TSPEAR: variants seen among roughly 807,000 people sequenced by gnomAD.
TSPEAR encodes the protein thrombospondin type laminin G domain and EAR repeats, also known as thrombospondin-type laminin G domain and EAR repeat-containing protein.
In TSPEAR, 69 loss-of-function variants were observed where a neutral mutation model predicts 71.6. That is an observed-to-expected ratio of 0.96 (90% confidence interval 0.79 to 1.18). TSPEAR has a LOEUF of 1.18. Among genes scored for constraint, TSPEAR ranks in the 50% most tolerant of loss-of-function variants. TSPEAR has a pLI of 0.00. For missense variants in TSPEAR, 971 were observed against 894.9 expected (o/e 1.09, Z -1.09); for synonymous variants, 402 against 387.2 (o/e 1.04, Z -0.45).
chr21:44,539,897 C>T (rs1555916981), intron 2 of TSPEAR: 2 of 1,614,038 alleles, frequency 1.2e-6, no homozygotes, highest in South Asian at 2.2e-5. Context: ...AGCCGGCTGG[C>T]AGCTAGACTG....
intron 1 of TSPEAR, among the ~76,000 whole-genome samples, chr21:44,686,184 C>A (rs1233407024): frequency 1.3e-5 from 2 of 152,152 alleles, no homozygotes; most frequent in East Asian, 3.8e-4. Context: ...TTCACCAGCT[C>A]CCCTCGGCTC....
At chr21:44,608,411 C>A (rs1352449462) in intron 1 of TSPEAR, among the ~76,000 whole-genome samples, 1 of 152,212 alleles carries the variant, frequency 6.6e-6, no homozygotes, top group African/African-American at 2.4e-5. Flanking sequence ...GGAGCATTCA[C>A]ACGTGGACGT....
chr21:44,530,254 A>G (rs2052940092), intron 4 of TSPEAR, among the ~76,000 whole-genome samples: 1 of 152,160 alleles, frequency 6.6e-6, no homozygotes, highest in Non-Finnish European at 1.5e-5. Context: ...CTGTTCATCC[A>G]TGCATTCATC....
chr21:44,573,739 C>T (rs782550283), intron 1 of TSPEAR: 8 of 1,607,430 alleles, frequency 5.0e-6, no homozygotes, highest in South Asian at 1.1e-5. Flanking sequence ...AGCTCAACCC[C>T]CAGCACAGCA....
chr21:44,688,486 C>T (rs1986960852), intron 1 of TSPEAR, among the ~76,000 whole-genome samples: 1 of 152,024 alleles, frequency 6.6e-6, no homozygotes, highest in African/African-American at 2.4e-5. Flanking sequence ...TTTGGGAGGC[C>T]GAGGAGGGCA....
In TSPEAR at chr21:44,666,774, A is replaced by G. The variant is rs1449038515; in HGVS notation, c.82+44659T>C. On this transcript the variant is annotated intron_variant, in intron 1 of 11. Transcript: ENST00000323084. ...CACACACACGGAGGACTGGCAGCCC[A>G]CAGGCACACAGCAGGATGCCTGGCA... The G allele has an allele frequency of 5.0e-6, 8 of 1,612,102 alleles. No homozygotes were observed. In the Admixed American group the frequency reaches 1.0e-4, roughly 20 times the overall value.
intron 1 of TSPEAR, chr21:44,646,685 C>G (rs779037491): frequency 6.2e-7 from 1 of 1,614,010 alleles, no homozygotes; most frequent in Non-Finnish European, 8.5e-7. Context: ...AGCTCCTGCA[C>G]GCCGTCATGC....
intron 1 of TSPEAR, chr21:44,697,781 T>C: frequency 6.2e-7 from 1 of 1,613,874 alleles, no homozygotes; most frequent in African/African-American, 1.3e-5. Flanking sequence ...ACCCTCCTCC[T>C]CCGTGTCCCT....
At chr21:44,616,445 C>A (rs587649143) in intron 1 of TSPEAR, among the ~76,000 whole-genome samples, 2 of 152,322 alleles carry the variant, frequency 1.3e-5, no homozygotes, top group African/African-American at 4.8e-5. Flanking sequence ...GGTGTGCAGC[C>A]ACAGGGCTCT....
intron 1 of TSPEAR, chr21:44,579,920 G>A: frequency 1.2e-6 from 2 of 1,613,220 alleles, no homozygotes; most frequent in Non-Finnish European, 1.7e-6. Flanking sequence ...GAGGGACACG[G>A]AGGAGGAGGG....
At chr21:44,626,784 T>C (rs1555934445) in intron 1 of TSPEAR, among the ~76,000 whole-genome samples, 2 of 152,044 alleles carry the variant, frequency 1.3e-5, no homozygotes, top group East Asian at 1.9e-4. Context: ...GGCTGGACGA[T>C]GCCCCAGCAA....
chr21:44,515,143 C>T (rs927044156), intron 9 of TSPEAR, among the ~76,000 whole-genome samples: 11 of 152,248 alleles, frequency 7.2e-5, no homozygotes, highest in Non-Finnish European at 1.3e-4. Context: ...CATTGCAAAA[C>T]TCAAACCAAA....
intron 1 of TSPEAR, among the ~76,000 whole-genome samples, chr21:44,662,780 G>T (rs1416301480): frequency 6.6e-6 from 1 of 152,084 alleles, no homozygotes; most frequent in African/African-American, 2.4e-5. Context: ...TGACCACAAA[G>T]AAATTCAATT....
chr21:44,518,973 G>T, intron 9 of TSPEAR: 1 of 207,072 alleles, frequency 4.8e-6, no homozygotes, highest in South Asian at 7.0e-5. Flanking sequence ...CTGCAGCTGT[G>T]CCCAAGTCCC....
At chr21:44,573,684 C>T (rs59407182) in intron 1 of TSPEAR, 62 of 1,565,656 alleles carry the variant, frequency 4.0e-5, no homozygotes, top group African/African-American at 1.5e-4. Flanking sequence ...CCCACAAACC[C>T]GAGCACCTCA....
intron 10 of TSPEAR, among the ~76,000 whole-genome samples, chr21:44,505,099 G>T (rs2052162657): frequency 6.6e-6 from 1 of 152,176 alleles, no homozygotes. Flanking sequence ...TTATTTTTGA[G>T]ATGGAGTCTC....
intron 1 of TSPEAR, among the ~76,000 whole-genome samples, chr21:44,684,131 A>C (rs1472326272): frequency 2.0e-5 from 3 of 152,240 alleles, no homozygotes; most frequent in African/African-American, 7.2e-5. Context: ...AAGGATAAGA[A>C]AAACGCCCTG....
chr21:44,599,268 A>T (rs1407913064), intron 1 of TSPEAR, among the ~76,000 whole-genome samples: 1 of 152,008 alleles, frequency 6.6e-6, no homozygotes, highest in Non-Finnish European at 1.5e-5. Flanking sequence ...CAGAAAGACA[A>T]TTCATCCCAC....
chr21:44,539,673 A>AGG (rs781946879), intron 2 of TSPEAR: 1 of 1,611,954 alleles, frequency 6.2e-7, no homozygotes, highest in Admixed American at 1.7e-5. Context: ...CATGAAGAGG[A>AGG]ATCCTCAGAG....
Sources: gnomAD v4.1 joint callset for allele counts (sites outside exome capture counted in the v4.1 genomes callset) on GRCh38, gnomAD v4.1.1 for gene constraint, MANE v1.5 for transcripts, NCBI Gene and HGNC (gene_info 2026-07-23, HGNC 2026-07-21) for gene names.